SPATA21: variants seen among roughly 807,000 people sequenced by gnomAD.
SPATA21 encodes the protein spermatogenesis-associated protein 21.
A neutral mutation model predicts 54.8 loss-of-function variants in SPATA21; 47 were observed. That is an observed-to-expected ratio of 0.86 (90% CI 0.68 to 1.09). The LOEUF is 1.09. Among genes scored for constraint, SPATA21 ranks in the 50% least tolerant of loss-of-function variants. SPATA21 has a pLI of 0.00. For synonymous variants in SPATA21, 245 were observed against 235.3 expected (o/e 1.04, Z -0.38); for missense variants, 599 against 596.4 (o/e 1.00, Z -0.05).
intron 7 of SPATA21, among the ~76,000 whole-genome samples, chr1:16,406,063 G>A (rs141981831): frequency 6.6e-6 from 1 of 152,120 alleles, no homozygotes; most frequent in Non-Finnish European, 1.5e-5. Context: ...CCAAACCCTT[G>A]GCCTGGATAT....
intron 3 of SPATA21, chr1:16,422,226 G>T (rs2086193593): frequency 1.4e-6 from 2 of 1,407,262 alleles, no homozygotes; most frequent in Non-Finnish European, 1.8e-6. Flanking sequence ...CGGCTGGGGA[G>T]CTCCATCCTC....
intron 3 of SPATA21, among the ~76,000 whole-genome samples, chr1:16,422,963 A>C (rs1387759190): frequency 6.6e-6 from 1 of 152,124 alleles, no homozygotes; most frequent in Non-Finnish European, 1.5e-5. Flanking sequence ...TCAGGAATTC[A>C]TGACCAGCCT....
chr1:16,415,984 T>A (rs1311904139), intron 5 of SPATA21, among the ~76,000 whole-genome samples: 1 of 152,156 alleles, frequency 6.6e-6, no homozygotes, highest in Non-Finnish European at 1.5e-5. Context: ...CTCACACACC[T>A]GGATTCCTCC....
At chr1:16,415,777 C>A (rs1449079678) in intron 5 of SPATA21, among the ~76,000 whole-genome samples, 5 of 152,152 alleles carry the variant, frequency 3.3e-5, no homozygotes, top group Non-Finnish European at 5.9e-5. Flanking sequence ...CCAGGATGGT[C>A]TCGATCTCCT....
rs749821597 is a variant in SPATA21 at position 16,421,517 on chromosome 1, G to A, written c.136C>T (p.Pro46Ser). The change falls in exon 5 of 13, where the codon CCT becomes TCT. Residue 46 changes from proline (P) to serine (S), a missense_variant. By Grantham distance (74) the Pro-to-Ser change is moderately conservative (BLOSUM62 -1). Transcript: ENST00000335496. The surrounding 1 kb of genome is among the most constrained non-coding windows in gnomAD (Gnocchi z 5.2). Reference sequence around the variant, plus strand: ...CCTATGGCCCTACTTACTGGTGGAGGAAGAGGCCCCGGTGCTGGGTGGGTC... The same window carrying A: ...CCTATGGCCCTACTTACTGGTGGAGAAAGAGGCCCCGGTGCTGGGTGGGTC... ...VETHPAPGPL[P>S]PPEVRDIGER... 1.4e-5 allele frequency: 23 copies of A among 1,613,420 alleles called. No individual in the cohort carries two copies. Among genetic ancestry groups the A allele is most frequent in the Non-Finnish European group, 1.9e-5 (22 of 1,179,804 alleles).
chr1:16,422,312 A>G, intron 3 of SPATA21: 1 of 933,122 alleles, frequency 1.1e-6, no homozygotes, highest in Non-Finnish European at 1.4e-6. Context: ...CCAGCACTTC[A>G]GGCATCATCT....
chr1:16,426,557 CTATA>C (rs778670029), intron 3 of SPATA21, among the ~76,000 whole-genome samples: 101 of 85,800 alleles, frequency 1.2e-3, no homozygotes, highest in African/African-American at 3.8e-3. Context: ...TGGTGCCCGG[CTATA>C]TATATATATA....
intron 1 of SPATA21, among the ~76,000 whole-genome samples, chr1:16,436,033 A>G (rs2086577711): frequency 6.6e-6 from 1 of 151,604 alleles, no homozygotes; most frequent in Non-Finnish European, 1.5e-5. Context: ...CGGGCGGATC[A>G]TGAGGTCAGG....
chr1:16,434,934 T>C (rs61769441), intron 1 of SPATA21, among the ~76,000 whole-genome samples: 7,255 of 151,710 alleles, frequency 0.048, 205 homozygotes, highest in Middle Eastern at 0.09. Context: ...CATAGCTCAC[T>C]GCAACCTCCA....
Position 16,432,830 on chromosome 1 carries a change from G to A in SPATA21, c.-92C>T, listed in dbSNP as rs41307864. 6,986 of 152,292 alleles carry A rather than the reference G, an allele frequency of 0.046. 235 individuals are homozygous for A. The highest frequency in any genetic ancestry group is 0.07 in the Non-Finnish European group (4,743 of 68,080). The allele number at this position is 152,292 out of a possible 1,614,324, so 9.4% of individuals were successfully genotyped here. ...GGTGCTTCTTCCACTTTAAATCATG[G>A]CAGGCCCGCCAGCATCCACGGAGGA... is the stretch of plus-strand genomic sequence containing the variant. On this transcript the variant is annotated 5_prime_UTR_variant, in exon 2 of 13. Coordinates refer to ENST00000335496, the MANE Select transcript of SPATA21 (RefSeq NM_198546.1).
At chr1:16,422,696 T>A (rs1182563174) in intron 3 of SPATA21, among the ~76,000 whole-genome samples, 1 of 151,974 alleles carries the variant, frequency 6.6e-6, no homozygotes, top group African/African-American at 2.4e-5. Context: ...TTGGTAGAGA[T>A]GAGGTCTCAC....
intron 1 of SPATA21, among the ~76,000 whole-genome samples, chr1:16,434,002 C>T (rs2086524454): frequency 6.6e-6 from 1 of 152,150 alleles, no homozygotes; most frequent in African/African-American, 2.4e-5. Flanking sequence ...GGCATCATCC[C>T]CAATCTTCCC....
chr1:16,427,880 G>A, intron 3 of SPATA21: 1 of 1,548,772 alleles, frequency 6.5e-7, no homozygotes. Context: ...CTTGCTGGAG[G>A]CCCCTGCTCC....
At chr1:16,420,527 A>G (rs941919921) in intron 5 of SPATA21, among the ~76,000 whole-genome samples, 2 of 152,072 alleles carry the variant, frequency 1.3e-5, no homozygotes, top group Non-Finnish European at 2.9e-5. Context: ...AAAAGGAAAG[A>G]AAGAAAGAAA....
At chr1:16,405,155 A>G in intron 7 of SPATA21, 51 bp from the exon 8 acceptor site, 1 of 1,566,078 alleles carries the variant, frequency 6.4e-7, no homozygotes, top group Non-Finnish European at 8.6e-7. Context: ...TGTTTCTGTC[A>G]TTCATCCCAT....
intron 8 of SPATA21, 23 bp from the exon 9 acceptor site, chr1:16,404,062 G>A: frequency 6.4e-7 from 1 of 1,550,822 alleles, no homozygotes; most frequent in Non-Finnish European, 8.7e-7. Context: ...GAGGAGTAGG[G>A]TGGGCAGGGA....
chr1:16,405,846 C>T (rs931939932), intron 7 of SPATA21, among the ~76,000 whole-genome samples: 6 of 152,226 alleles, frequency 3.9e-5, no homozygotes, highest in African/African-American at 1.4e-4. Flanking sequence ...GATCTAGGGA[C>T]AGACTTAGTC....
At position 16,399,286 on chromosome 1, in the gene SPATA21, G is replaced by T. The variant is rs2100769657; in HGVS notation, c.1352+58C>A. On this transcript the variant is annotated intron_variant, in intron 12 of 12. Coordinates refer to ENST00000335496, the MANE Select transcript of SPATA21 (RefSeq NM_198546.1). ...TGGATTCCCAGGCATTAGGCCAGGG[G>T]CCTCTTAAGGAAGAATCTGGAAGGG... 4.0e-6 allele frequency: 6 copies of T among 1,514,558 alleles called. No homozygotes were observed. In the East Asian group the frequency reaches 9.2e-5, roughly 23 times the overall value. 93.8% of individuals were successfully genotyped at this position (1,514,558 alleles called of 1,614,324 possible).
At chr1:16,416,860 G>A (rs78829896) in intron 5 of SPATA21, among the ~76,000 whole-genome samples, 3,464 of 152,186 alleles carry the variant, frequency 0.023, 114 homozygotes, top group African/African-American at 0.076. Flanking sequence ...TGCTTTCTGC[G>A]GTCCCTCAGC....
Sources: gnomAD v4.1 joint callset for allele counts (sites outside exome capture counted in the v4.1 genomes callset) on GRCh38, gnomAD v4.1.1 for gene constraint, Gnocchi (gnomAD v3.1) non-coding constraint, MANE v1.5 for transcripts, NCBI Gene and HGNC (gene_info 2026-07-23, HGNC 2026-07-21) for gene names.